FAM13A: variants seen among roughly 807,000 people sequenced by gnomAD.
The protein encoded by FAM13A is protein FAM13A.
In FAM13A, 76 loss-of-function variants were observed where a neutral mutation model predicts 129.6. The observed-to-expected ratio is 0.59, with a 90% CI of 0.49 to 0.71. FAM13A has a LOEUF of 0.71. Ranked by LOEUF, FAM13A falls within the 30% of genes least tolerant of loss-of-function variation. The pLI is 0.00. For synonymous variants in FAM13A, 443 were observed against 449.9 expected (o/e 0.98, Z 0.20); for missense variants, 1,108 against 1,249.3 (o/e 0.89, Z 1.70).
chr4:88,999,725 C>G (rs77673580), intron 3 of FAM13A, among the ~76,000 whole-genome samples: 7,570 of 152,132 alleles, frequency 0.05, 284 homozygotes, highest in South Asian at 0.23. Context: ...CCTTTCTCCC[C>G]TAAGGGCCTC....
chr4:88,896,356 C>CTGGT (rs1746323371), intron 6 of FAM13A, among the ~76,000 whole-genome samples: 1 of 151,828 alleles, frequency 6.6e-6, no homozygotes, highest in Non-Finnish European at 1.5e-5. Flanking sequence ...ACCAGCGTGG[C>CTGGT]ACACGTATAC....
intron 7 of FAM13A, among the ~76,000 whole-genome samples, chr4:88,848,806 T>G (rs778529973): frequency 3.3e-5 from 5 of 152,244 alleles, no homozygotes; most frequent in Non-Finnish European, 7.3e-5. Flanking sequence ...GATATAGTTT[T>G]TCATGATCTG....
At chr4:88,879,817 T>G (rs1743226826) in intron 6 of FAM13A, among the ~76,000 whole-genome samples, 1 of 152,198 alleles carries the variant, frequency 6.6e-6, no homozygotes. Flanking sequence ...AGAGTCTCCC[T>G]GTTAATCTAA....
intron 4 of FAM13A, among the ~76,000 whole-genome samples, chr4:88,953,762 A>C (rs1465638091): frequency 6.6e-6 from 1 of 152,208 alleles, no homozygotes; most frequent in Non-Finnish European, 1.5e-5. Flanking sequence ...ACTGAGCATA[A>C]CATCCCAAGG....
intron 5 of FAM13A, among the ~76,000 whole-genome samples, chr4:88,930,631 T>G (rs1282009678): frequency 1.3e-5 from 2 of 152,192 alleles, no homozygotes; most frequent in Non-Finnish European, 2.9e-5. Context: ...TTTAGCTTGC[T>G]GCAGCATTAG....
At chr4:88,758,456 A>C (rs889380368) in intron 14 of FAM13A, among the ~76,000 whole-genome samples, 8 of 152,024 alleles carry the variant, frequency 5.3e-5, no homozygotes, top group South Asian at 4.2e-4. Flanking sequence ...TATGAGGGGG[A>C]AAAGACATAC....
intron 19 of FAM13A, among the ~76,000 whole-genome samples, chr4:88,741,896 G>T (rs1740345538): frequency 6.6e-6 from 1 of 152,156 alleles, no homozygotes; most frequent in African/African-American, 2.4e-5. Context: ...AAATAAGTTT[G>T]AGAAACAGAA....
chr4:89,022,661 T>A (rs987013443), intron 2 of FAM13A, among the ~76,000 whole-genome samples: 2 of 152,152 alleles, frequency 1.3e-5, no homozygotes, highest in Admixed American at 1.3e-4. Context: ...GTGACTTGCT[T>A]CTAACAACAG....
At chr4:88,747,552 G>T in intron 18 of FAM13A, 79 bp downstream of exon 18, 1 of 1,153,466 alleles carries the variant, frequency 8.7e-7, no homozygotes, top group Non-Finnish European at 1.3e-6. Flanking sequence ...TTCCCACTGG[G>T]ATTCACGTGG....
In FAM13A at chr4:88,778,721, A is replaced by C. The variant is rs72663477; in HGVS notation, c.1458+2444T>G. On this transcript the variant is annotated intron_variant, in intron 11 of 23. Coordinates refer to ENST00000264344, the MANE Select transcript of FAM13A (RefSeq NM_014883.4). ...CAGGTCACTGTTCTACTGAGAACTC[A>C]ATGGCTTCTCATCTCACCCAGAATA... is the stretch of plus-strand genomic sequence containing the variant. Among the ~76,000 whole-genome samples, 488 of 152,332 alleles carry C rather than the reference A, an allele frequency of 3.2e-3. 2 individuals are homozygous for C. Among genetic ancestry groups the C allele is most frequent in the Non-Finnish European group, 5.1e-3 (345 of 68,034 alleles).
intron 5 of FAM13A, chr4:88,937,140 C>CTAGAA (rs1753980937): frequency 6.6e-6 from 1 of 152,124 alleles, no homozygotes; most frequent in East Asian, 1.9e-4. Context: ...ACTGAGCAAA[C>CTAGAA]TAGAAAATCT....
chr4:89,013,326 G>GTATATATA lies in FAM13A; in HGVS notation c.427+7126_427+7133dup, dbSNP rs146908296. Among the ~76,000 whole-genome samples the GTATATATA allele has an allele frequency of 7.4e-3, 1,102 of 148,434 alleles. 19 individuals carry two copies. The highest frequency in any genetic ancestry group is 0.023 in the African/African-American group (955 of 40,674). On this transcript the variant is annotated intron_variant, in intron 3 of 23. Coordinates refer to ENST00000264344, the MANE Select transcript of FAM13A (RefSeq NM_014883.4). Reference sequence around the variant, plus strand: ...AAACACAGTATATACATATAACACAGTATATATACATATATATAAAATGTA... The same window carrying GTATATATA: ...AAACACAGTATATACATATAACACAGTATATATATATATATACATATATATAAAATGTA...
At chr4:88,730,010 T>C (rs1737306609) in intron 23 of FAM13A, 1 of 152,184 alleles carries the variant, frequency 6.6e-6, no homozygotes, top group Admixed American at 6.5e-5. Flanking sequence ...TATAAAAATA[T>C]ATGAGACATA....
At chr4:88,986,620 G>A (rs1397596222) in intron 4 of FAM13A, among the ~76,000 whole-genome samples, 3 of 152,264 alleles carry the variant, frequency 2.0e-5, no homozygotes, top group Admixed American at 1.3e-4. Flanking sequence ...AGGACAGTAC[G>A]GACTGCCCGG....
intron 3 of FAM13A, among the ~76,000 whole-genome samples, chr4:89,001,843 T>C (rs139299936): frequency 9.9e-5 from 15 of 152,234 alleles, no homozygotes; most frequent in African/African-American, 3.4e-4. Context: ...CTTATTAAAT[T>C]AGATTTATTT....
At chr4:88,944,699 C>T (rs769233675) in intron 4 of FAM13A, among the ~76,000 whole-genome samples, 5 of 152,110 alleles carry the variant, frequency 3.3e-5, no homozygotes, top group South Asian at 2.1e-4. Context: ...GTCAGGAGTT[C>T]GAGACCCACC....
intron 8 of FAM13A, among the ~76,000 whole-genome samples, chr4:88,796,796 T>C (rs989410224): frequency 6.6e-6 from 1 of 152,056 alleles, no homozygotes; most frequent in Non-Finnish European, 1.5e-5. Context: ...TCTAGTATTG[T>C]TTTTGCTTTG....
At chr4:88,748,676 G>A (rs1057134849) in intron 17 of FAM13A, among the ~76,000 whole-genome samples, 2 of 152,206 alleles carry the variant, frequency 1.3e-5, no homozygotes, top group Non-Finnish European at 1.5e-5. Context: ...GATTAAACAG[G>A]TGTTGAGAGA....
At chr4:88,943,144 T>C (rs1333975362) in intron 4 of FAM13A, among the ~76,000 whole-genome samples, 1 of 152,222 alleles carries the variant, frequency 6.6e-6, no homozygotes, top group East Asian at 1.9e-4. Context: ...TTTGTGATCC[T>C]ATTATTGATA....
Sources: allele counts gnomAD v4.1 joint callset (sites outside exome capture counted in the v4.1 genomes callset), GRCh38; gene constraint gnomAD v4.1.1; transcripts MANE v1.5; gene names NCBI Gene and HGNC (gene_info 2026-07-23, HGNC 2026-07-21).